Variants in SCAPER observed in about 807,000 individuals in gnomAD.
The protein encoded by SCAPER is S-phase cyclin A associated protein in the ER.
Under a neutral mutation model 182.2 loss-of-function variants are expected in SCAPER, and 98 were observed. The observed-to-expected ratio is 0.54, with a 90% CI of 0.46 to 0.64. The LOEUF (loss-of-function observed/expected upper bound fraction) is 0.64, where lower values mean the gene tolerates loss of function less well. Ranked by LOEUF, SCAPER falls within the 30% of genes least tolerant of loss-of-function variation. The pLI is 0.00. For synonymous variants in SCAPER, 605 were observed against 564.6 expected, an observed-to-expected ratio of 1.07 and a Z score of -1.01; for missense variants, 1,432 against 1,690.0, an observed-to-expected ratio of 0.85 and a Z score of 2.68.
At chr15:76,676,812 A>C (rs999258971) in intron 20 of SCAPER, among the ~76,000 whole-genome samples, 6 of 151,478 alleles carry the variant, frequency 4.0e-5, no homozygotes, top group Non-Finnish European at 8.8e-5. Flanking sequence ...AGAAGAAAAT[A>C]ATTAGATCAA....
At chr15:76,489,581 C>T (rs2052071912) in intron 24 of SCAPER, among the ~76,000 whole-genome samples, 1 of 151,914 alleles carries the variant, frequency 6.6e-6, no homozygotes, top group South Asian at 2.1e-4. Flanking sequence ...TGAGATTCAT[C>T]CATGTTGTTG....
chr15:76,606,327 G>A (rs919345629), intron 22 of SCAPER, among the ~76,000 whole-genome samples: 7 of 152,140 alleles, frequency 4.6e-5, no homozygotes, highest in African/African-American at 9.7e-5. Context: ...GTAGTTGAGC[G>A]GTTTTGAGTG....
At chr15:76,836,084 T>C (rs1245291490) in intron 5 of SCAPER, among the ~76,000 whole-genome samples, 1 of 151,982 alleles carries the variant, frequency 6.6e-6, no homozygotes, top group Non-Finnish European at 1.5e-5. Flanking sequence ...GAAGAATCAA[T>C]ACTGATCAAA....
chr15:76,401,409 C>T (rs1004618121), intron 27 of SCAPER, among the ~76,000 whole-genome samples: 1 of 152,194 alleles, frequency 6.6e-6, no homozygotes, highest in Non-Finnish European at 1.5e-5. Flanking sequence ...ATTGACCTTA[C>T]TGGCCCTCAA....
intron 17 of SCAPER, among the ~76,000 whole-genome samples, chr15:76,709,148 T>C (rs2059426768): frequency 6.6e-6 from 1 of 152,200 alleles, no homozygotes; most frequent in Non-Finnish European, 1.5e-5. Context: ...TTTATTTATT[T>C]ATGAGATGGA....
intron 6 of SCAPER, 137 bp from the exon 7 acceptor site, chr15:76,800,501 A>T (rs999138237): frequency 6.1e-6 from 4 of 659,284 alleles, no homozygotes; most frequent in Admixed American, 5.6e-5. Flanking sequence ...AACATGTGCA[A>T]ATGTTCCCCT....
intron 21 of SCAPER, among the ~76,000 whole-genome samples, chr15:76,625,031 G>A (rs2052439203): frequency 6.6e-6 from 1 of 152,200 alleles, no homozygotes; most frequent in South Asian, 2.1e-4. Flanking sequence ...GGCAATGACA[G>A]GTTGGGTGGG....
intron 23 of SCAPER, among the ~76,000 whole-genome samples, chr15:76,530,425 C>T (rs1028357802): frequency 1.3e-5 from 2 of 152,142 alleles, no homozygotes; most frequent in Admixed American, 1.3e-4. Context: ...CACAGTCACC[C>T]TGTAAACCAT....
chr15:76,894,454 A>G (rs2152610493), intron 1 of SCAPER, among the ~76,000 whole-genome samples: 1 of 152,294 alleles, frequency 6.6e-6, no homozygotes, highest in East Asian at 1.9e-4. Flanking sequence ...AAAAAAGAGA[A>G]AGGCAAAACA....
rs1384895961 is a variant in SCAPER, at chr15:76,841,829, C to A, written c.298G>T (p.Ala100Ser). 6 of 1,613,788 alleles carry A rather than the reference C, an allele frequency of 3.7e-6. No individual in the cohort carries two copies. Among genetic ancestry groups the A allele is most frequent in the Non-Finnish European group, 5.1e-6 (6 of 1,179,866 alleles). The change falls in exon 5 of 32, where the codon GCT (alanine) becomes TCT (serine). Residue 100 changes from alanine (A) to serine (S), a missense_variant. Ala to Ser is a moderately conservative substitution (Grantham distance 99). This residue lies in a region of SCAPER where 480 missense variants were observed against 510.2 expected (regional missense o/e 0.94). Coordinates refer to ENST00000563290, the MANE Select transcript of SCAPER (RefSeq NM_020843.4). ...TCAAAAAGAAATGCCCAGTATCGAGCTCTTAGATCAATTTTCCGAGGGTGC... is the reference window on the plus strand; with the variant it reads ...TCAAAAAGAAATGCCCAGTATCGAGATCTTAGATCAATTTTCCGAGGGTGC... The part of the protein sequence containing the change: ...TRHPRKIDLR[A>S]RYWAFLFDNL...
intron 8 of SCAPER, among the ~76,000 whole-genome samples, chr15:76,776,030 C>A (rs1479202769): frequency 6.6e-6 from 1 of 152,018 alleles, no homozygotes; most frequent in Non-Finnish European, 1.5e-5. Context: ...CTCCATCTTA[C>A]AATTAAAAAC....
intron 26 of SCAPER, among the ~76,000 whole-genome samples, chr15:76,428,894 A>ATATATATATATATATATAT (rs71143324): frequency 2.1e-3 from 291 of 137,814 alleles, no homozygotes; most frequent in East Asian, 2.9e-3. Context: ...ATATATATAT[A>ATATATATATATATATATAT]AACATCAAAA....
intron 5 of SCAPER, among the ~76,000 whole-genome samples, chr15:76,815,813 C>A (rs1443022625): frequency 6.6e-6 from 1 of 152,216 alleles, no homozygotes; most frequent in Non-Finnish European, 1.5e-5. Context: ...ACCCCTGCCA[C>A]ACCGACCCCA....
chr15:76,430,769 A>G (rs982835300), intron 26 of SCAPER, among the ~76,000 whole-genome samples: 2 of 152,138 alleles, frequency 1.3e-5, no homozygotes, highest in African/African-American at 4.8e-5. Flanking sequence ...GTTAATGCTG[A>G]AATAAGTTAA....
chr15:76,862,528 T>A lies in SCAPER; in HGVS notation c.12A>T (p.Ser4=), dbSNP rs771178625. 2 of 1,598,198 alleles carry A rather than the reference T, an allele frequency of 1.3e-6. No individual in the cohort carries two copies. Among genetic ancestry groups the A allele is most frequent in the African/African-American group, 2.7e-5 (2 of 74,522 alleles). ...TGTCATGACTATTGGAGCGCTGGAATGAAGCCTATGTATGGAAAAGATGGT... is the reference window on the plus strand; with the variant it reads ...TGTCATGACTATTGGAGCGCTGGAAAGAAGCCTATGTATGGAAAAGATGGT... MMA[S]FQRSNSHDKV... Residue 4 remains serine (S), a synonymous_variant, in exon 3 of 32, where the codon TCA becomes TCT. Coordinates refer to ENST00000563290, the MANE Select transcript of SCAPER (RefSeq NM_020843.4).
chr15:76,740,552 G>C (rs1318157548), intron 15 of SCAPER, among the ~76,000 whole-genome samples: 6 of 116,104 alleles, frequency 5.2e-5, no homozygotes, highest in Admixed American at 5.1e-4. Context: ...AAATAACTAA[G>C]ATAATGGAAT....
At chr15:76,736,852 T>C in intron 15 of SCAPER, 1 of 167,704 alleles carries the variant, frequency 6.0e-6, no homozygotes, top group Non-Finnish European at 1.3e-5. Flanking sequence ...TGTGCTCCCC[T>C]GCTAGAATCT....
chr15:76,476,594 A>ATTTT (rs1363321569), intron 24 of SCAPER, among the ~76,000 whole-genome samples: 2 of 71,828 alleles, frequency 2.8e-5, no homozygotes, highest in Non-Finnish European at 6.0e-5. Flanking sequence ...ACACCCAGCT[A>ATTTT]ATTTTTTTTT....
intron 27 of SCAPER, among the ~76,000 whole-genome samples, chr15:76,400,513 G>T (rs893138213): frequency 2.6e-5 from 4 of 152,180 alleles, no homozygotes; most frequent in African/African-American, 9.7e-5. Context: ...AATATCAGAA[G>T]TAAATGAATC....
Sources: allele counts gnomAD v4.1 joint callset (sites outside exome capture counted in the v4.1 genomes callset), GRCh38; gene constraint gnomAD v4.1.1; regional missense constraint gnomAD v4.1.1; transcripts MANE v1.5; gene names NCBI Gene and HGNC (gene_info 2026-07-23, HGNC 2026-07-21).